Variants in TARDBP observed in about 807,000 individuals in gnomAD.
TARDBP encodes TAR DNA binding protein, also known as TAR DNA-binding protein 43.
TARDBP carries 4 observed loss-of-function variants against 38.3 expected under a neutral mutation model. The observed-to-expected ratio is 0.10, with a 90% CI of 0.05 to 0.24. The LOEUF (loss-of-function observed/expected upper bound fraction) is 0.24. TARDBP is among the 10% of genes least tolerant of loss of function. The pLI, the probability that TARDBP is intolerant of heterozygous loss-of-function variation, is 1.00. For synonymous variants in TARDBP, 184 were observed against 183.8 expected (o/e 1.00, Z -0.01); for missense variants, 202 against 521.9 (o/e 0.39, Z 5.97).
In TARDBP at chr1:11,021,591, T is replaced by A. The variant is rs183219696; in HGVS notation, c.715-533T>A. On this transcript the variant is annotated intron_variant, in intron 5 of 5. Transcript: ENST00000240185. Reference sequence around the variant, plus strand: ...CTGCTCCTGCTCCCGGCCCATTTTTTAAATTATTATTTTGAGACAGGGTCT... The same window carrying A: ...CTGCTCCTGCTCCCGGCCCATTTTTAAAATTATTATTTTGAGACAGGGTCT... Among the ~76,000 whole-genome samples, 233 of 152,208 alleles carry A rather than the reference T, an allele frequency of 1.5e-3. 3 individuals are homozygous for A. The highest frequency in any genetic ancestry group is 5.3e-3 in the African/African-American group (221 of 41,522).
At chr1:11,030,350 G>T, downstream of TARDBP, 1 of 807,558 alleles carries the variant, frequency 1.2e-6, no homozygotes, top group South Asian at 1.5e-5. Flanking sequence ...TTGAGCATCA[G>T]TGGGACATAG....
chr1:11,027,583 C>T (rs1284156903), downstream of TARDBP: 1 of 1,614,066 alleles, frequency 6.2e-7, no homozygotes, highest in Non-Finnish European at 8.5e-7. Flanking sequence ...CAAGGAAAAT[C>T]ACCAGGTTTT....
chr1:11,024,726 A>G lies in TARDBP; in HGVS notation c.*2072A>G, dbSNP rs562716883. 2 of 152,826 alleles carry G rather than the reference A, an allele frequency of 1.3e-5. No individual in the cohort carries two copies. The highest frequency in any genetic ancestry group is 3.9e-4 in the East Asian group (2 of 5,192). 9.5% of individuals were successfully genotyped at this position (152,826 alleles called of 1,614,324 possible). ...GGGGGAATGTGGTAACATTGAATAC[A>G]GTTGAATAAAATCGCTTACAAAACT... is the stretch of plus-strand genomic sequence containing the variant. On this transcript the variant is annotated 3_prime_UTR_variant, in exon 6 of 6. Transcript: ENST00000240185.
downstream of TARDBP, chr1:11,026,743 G>A: frequency 1.0e-5 from 6 of 582,658 alleles, no homozygotes; most frequent in Non-Finnish European, 1.4e-5. Context: ...AATGACAGCA[G>A]CCTCACCTGG....
intron 3 of TARDBP, among the ~76,000 whole-genome samples, chr1:11,017,773 TGTG>T (rs1643556988): frequency 6.6e-6 from 1 of 152,292 alleles, no homozygotes; most frequent in Non-Finnish European, 1.5e-5. Flanking sequence ...AAAATCCTGT[TGTG>T]GTGGCTCATG....
At chr1:11,025,525 G>A (rs959021626), downstream of TARDBP, 1 of 151,960 alleles carries the variant, frequency 6.6e-6, no homozygotes, top group African/African-American at 2.4e-5. Context: ...GGAAAAACAC[G>A]ATTTCTTTTT....
In TARDBP at chr1:11,024,427, C is replaced by T. The variant is rs1280769787; in HGVS notation, c.*1773C>T. 1.3e-5 allele frequency: 2 copies of T among 152,538 alleles called. No individual in the cohort carries two copies. Among genetic ancestry groups the T allele is most frequent in the Non-Finnish European group, 2.9e-5 (2 of 68,038 alleles). The allele number at this position is 152,538 out of a possible 1,614,324, so 9.4% of individuals were successfully genotyped here. A position where few individuals can be genotyped will look rare whatever the true frequency, so the allele number is the denominator to read the frequency against. ...CCTGTGTAAATCTCCATTGGGAAGT[C>T]ATGCCTTCTAAAAAGATTCTTATTT... On this transcript the variant is annotated 3_prime_UTR_variant, in exon 6 of 6. Transcript: ENST00000240185.
chr1:11,023,243 C>T lies in TARDBP; in HGVS notation c.*589C>T. 6.4e-7 allele frequency: 1 copy of T among 1,550,466 alleles called. No individual in the cohort carries two copies. The highest frequency in any genetic ancestry group is 2.4e-5 in the East Asian group (1 of 40,934). ...AAGAAGCACTTCATTGAAAGTAGTG[C>T]TGTAAATATTCTGCCATAGGAATAC... On this transcript the variant is annotated 3_prime_UTR_variant, in exon 6 of 6. Transcript: ENST00000240185.
intron 3 of TARDBP, among the ~76,000 whole-genome samples, chr1:11,017,242 T>C (rs1282341239): frequency 6.7e-6 from 1 of 149,094 alleles, no homozygotes; most frequent in Non-Finnish European, 1.5e-5. Flanking sequence ...CTCACTTTGC[T>C]GCCCAGGCTG....
At position 11,022,813 on chromosome 1, in the gene TARDBP, A is replaced by C. The variant is rs886045037; in HGVS notation, c.*159A>C. 20 of 1,391,720 alleles carry C rather than the reference A, an allele frequency of 1.4e-5. No individual in the cohort carries two copies. In the East Asian group the frequency reaches 4.9e-4, roughly 34 times the overall value. The allele number at this position is 1,391,720 out of a possible 1,614,324, so 86.2% of individuals were successfully genotyped here. On this transcript the variant is annotated 3_prime_UTR_variant, in exon 6 of 6. Coordinates refer to ENST00000240185, the MANE Select transcript of TARDBP (RefSeq NM_007375.4). This position sits in a 1 kb window ranked among gnomAD's most constrained non-coding sequence, Gnocchi z 4.5. ...CAGTATTTTTGACATTTTTCTTTAGAAAAAGGAAGAGCTAAAGGAATTTTA... is the reference window on the plus strand; with the variant it reads ...CAGTATTTTTGACATTTTTCTTTAGCAAAAGGAAGAGCTAAAGGAATTTTA...
In TARDBP at chr1:11,024,809, T is replaced by C. The variant is rs1345843285; in HGVS notation, c.*2155T>C. On this transcript the variant is annotated 3_prime_UTR_variant, in exon 6 of 6. Coordinates refer to ENST00000240185, the MANE Select transcript of TARDBP (RefSeq NM_007375.4). Reference sequence around the variant, plus strand: ...AAGCAATAACATTGATTCTCTGTTGTACTTTTTTGTAACTAATTCTGTGAG... The same window carrying C: ...AAGCAATAACATTGATTCTCTGTTGCACTTTTTTGTAACTAATTCTGTGAG... 6.5e-6 allele frequency: 1 copy of C among 152,696 alleles called. No homozygotes were observed. Among genetic ancestry groups the C allele is most frequent in the African/African-American group, 2.4e-5 (1 of 41,462 alleles). 9.5% of individuals were successfully genotyped at this position (152,696 alleles called of 1,614,324 possible). A position where few individuals can be genotyped will look rare whatever the true frequency, so the allele number is the denominator to read the frequency against.
chr1:11,021,579 C>A (rs909847215), intron 5 of TARDBP, among the ~76,000 whole-genome samples: 2 of 151,946 alleles, frequency 1.3e-5, no homozygotes, highest in African/African-American at 4.8e-5. Flanking sequence ...CTCCTGCTCC[C>A]GGCCCATTTT....
chr1:11,017,141 T>C, intron 3 of TARDBP, 134 bp downstream of exon 3: 1 of 923,390 alleles, frequency 1.1e-6, no homozygotes, highest in Non-Finnish European at 1.7e-6. Flanking sequence ...GCCCATACTG[T>C]CCTCCTGCCT....
chr1:11,014,551 T>A (rs1027139698), intron 2 of TARDBP, among the ~76,000 whole-genome samples: 9 of 152,220 alleles, frequency 5.9e-5, no homozygotes, highest in Non-Finnish European at 8.8e-5. Context: ...CTGTTAGTAG[T>A]CGATCTGTCT....
intron 2 of TARDBP, among the ~76,000 whole-genome samples, chr1:11,015,235 C>T (rs1351848239): frequency 6.6e-6 from 1 of 152,066 alleles, no homozygotes; most frequent in African/African-American, 2.4e-5. Flanking sequence ...CCTGTAATCC[C>T]AGCACTTTGG....
At chr1:11,019,329 G>T (rs12404672) in intron 4 of TARDBP, 8,232 of 300,096 alleles carry the variant, frequency 0.027, 185 homozygotes, top group Non-Finnish European at 0.04. Flanking sequence ...GTATCACATG[G>T]CAAAGTTGAT....
chr1:11,012,984 C>G (rs923612447), intron 1 of TARDBP, among the ~76,000 whole-genome samples: 5 of 152,242 alleles, frequency 3.3e-5, no homozygotes, highest in African/African-American at 4.8e-5. Context: ...GGAGGTTGGC[C>G]CCGGACCCGG....
chr1:11,016,805 A>C (rs1157012832), intron 2 of TARDBP, 39 bp from the exon 3 acceptor site: 1 of 1,606,826 alleles, frequency 6.2e-7, no homozygotes, highest in African/African-American at 1.3e-5. Flanking sequence ...AGAAGTGCTA[A>C]GTGAAGATTT....
At position 11,024,870 on chromosome 1, in the gene TARDBP, TTTG is replaced by T. The variant is rs1254440243; in HGVS notation, c.*2221_*2223del. ...ATTTTCTAGTTGGAAGAATGTGATATTTGTTGTGTTGGTAGTTTACCTAATGCC... is the reference window on the plus strand; with the variant it reads ...ATTTTCTAGTTGGAAGAATGTGATATTTGTGTTGGTAGTTTACCTAATGCC... On this transcript the variant is annotated 3_prime_UTR_variant, in exon 6 of 6. Transcript: ENST00000240185. The T allele has an allele frequency of 6.6e-6, 1 of 152,664 alleles. No individual in the cohort carries two copies. Among genetic ancestry groups the T allele is most frequent in the Non-Finnish European group, 1.5e-5 (1 of 68,046 alleles). The allele number at this position is 152,664 out of a possible 1,614,324, so 9.5% of individuals were successfully genotyped here. A position where few individuals can be genotyped will look rare whatever the true frequency, so the allele number is the denominator to read the frequency against.
Sources: allele counts gnomAD v4.1 joint callset (sites outside exome capture counted in the v4.1 genomes callset), GRCh38; gene constraint gnomAD v4.1.1; non-coding constraint Gnocchi (gnomAD v3.1); transcripts MANE v1.5; gene names NCBI Gene and HGNC (gene_info 2026-07-23, HGNC 2026-07-21).